Variants in DOCK9 observed in about 807,000 individuals in gnomAD.
DOCK9 encodes the protein dedicator of cytokinesis 9.
DOCK9 carries 89 observed loss-of-function variants against 263.3 expected under a neutral mutation model. The ratio of observed to expected loss-of-function variants is 0.34; its 90% CI spans 0.28 to 0.40. DOCK9 has a LOEUF of 0.40. Among genes scored for constraint, DOCK9 ranks in the 10% least tolerant of loss-of-function variants. The pLI, the probability that DOCK9 is intolerant of heterozygous loss-of-function variation, is 1.00. For missense variants in DOCK9, 2,140 were observed against 2,603.4 expected, an observed-to-expected ratio of 0.82 and a Z score of 3.87; for synonymous variants, 976 against 973.1, an observed-to-expected ratio of 1.00 and a Z score of -0.06.
At chr13:98,916,338 C>T (rs556507409) in intron 7 of DOCK9, among the ~76,000 whole-genome samples, 4 of 152,284 alleles carry the variant, frequency 2.6e-5, no homozygotes, top group Non-Finnish European at 5.9e-5. Context: ...CCAGGTTGGC[C>T]GCAGTAGACA....
chr13:98,796,895 G>A (rs1034597144), intron 52 of DOCK9, among the ~76,000 whole-genome samples: 8 of 152,072 alleles, frequency 5.3e-5, no homozygotes, highest in Admixed American at 6.6e-5. Context: ...ACGAGGAGGC[G>A]GGCCCGCTCT....
chr13:98,854,337 G>A (rs1399023672), intron 34 of DOCK9, among the ~76,000 whole-genome samples: 2 of 151,462 alleles, frequency 1.3e-5, no homozygotes, highest in South Asian at 4.2e-4. Flanking sequence ...AAATATCAAA[G>A]CAAAAACAAT....
intron 1 of DOCK9, among the ~76,000 whole-genome samples, chr13:99,011,334 T>A (rs2141936277): frequency 6.6e-6 from 1 of 152,230 alleles, no homozygotes; most frequent in African/African-American, 2.4e-5. Context: ...TATAAAAAAA[T>A]AAGCAAAGTT....
exon 1 of DOCK9, chr13:99,086,275 G>A: frequency 6.7e-7 from 1 of 1,496,670 alleles, no homozygotes; most frequent in South Asian, 1.2e-5. Flanking sequence ...CAGCTCGGCC[G>A]CCGTGCCCGG....
At chr13:98,849,546 C>T (rs546562408) in intron 36 of DOCK9, among the ~76,000 whole-genome samples, 1 of 152,054 alleles carries the variant, frequency 6.6e-6, no homozygotes, top group African/African-American at 2.4e-5. Context: ...CATCTGGCCC[C>T]AGCAGTTTTG....
intron 1 of DOCK9, among the ~76,000 whole-genome samples, chr13:99,049,261 C>T (rs1365854836): frequency 6.6e-6 from 1 of 152,208 alleles, no homozygotes; most frequent in African/African-American, 2.4e-5. Flanking sequence ...TCACCCCTCA[C>T]CTTCCAACCT....
At chr13:98,942,237 T>TG (rs950144711) in intron 2 of DOCK9, among the ~76,000 whole-genome samples, 18 of 147,570 alleles carry the variant, frequency 1.2e-4, no homozygotes, top group African/African-American at 4.3e-4. Context: ...TTTTTGTTGT[T>TG]TTTTTTTTTT....
chr13:99,020,547 T>G (rs1160974251), intron 1 of DOCK9, among the ~76,000 whole-genome samples: 1 of 152,206 alleles, frequency 6.6e-6, no homozygotes, highest in Admixed American at 6.5e-5. Context: ...AGCTTTGAGC[T>G]CCTGCAAAGC....
At chr13:98,952,293 T>C (rs961849124) in intron 2 of DOCK9, among the ~76,000 whole-genome samples, 5 of 152,032 alleles carry the variant, frequency 3.3e-5, no homozygotes. Flanking sequence ...TGGAATGCAG[T>C]GGCACGATCT....
At chr13:98,895,232 A>G (rs1452310641) in intron 15 of DOCK9, among the ~76,000 whole-genome samples, 1 of 152,102 alleles carries the variant, frequency 6.6e-6, no homozygotes, top group African/African-American at 2.4e-5. Context: ...TTATGCATTA[A>G]AAATGATGTC....
chr13:98,899,619 C>T (rs2047973253), intron 13 of DOCK9, among the ~76,000 whole-genome samples: 2 of 152,160 alleles, frequency 1.3e-5, no homozygotes, highest in Admixed American at 1.3e-4. Flanking sequence ...TTATAGGGTA[C>T]AATGGCCTAC....
intron 2 of DOCK9, among the ~76,000 whole-genome samples, chr13:98,954,996 T>G (rs540451902): frequency 7.5e-4 from 114 of 152,288 alleles, no homozygotes; most frequent in African/African-American, 2.6e-3. Context: ...TTTTCTTTCT[T>G]AAATAACATC....
At chr13:98,895,613 T>C (rs1262500770) in intron 15 of DOCK9, among the ~76,000 whole-genome samples, 5 of 150,186 alleles carry the variant, frequency 3.3e-5, no homozygotes, top group African/African-American at 1.2e-4. Context: ...TGCAGTGAGC[T>C]GAAATCGTGC....
rs549497438 is a variant in DOCK9 at position 98,992,168 on chromosome 13, G to A, written c.130-36617C>T. On this transcript the variant is annotated intron_variant, in intron 1 of 32. Transcript: ENST00000427887. ...CAACAGGAGGGATGGCTGACTACCT[G>A]TTGAGGAGTTATCAGGATAAGCTTC... 8.5e-5 allele frequency among the ~76,000 whole-genome samples: 13 copies of A among 152,074 alleles called. No homozygotes were observed. In the South Asian group the frequency reaches 2.5e-3, roughly 29 times the overall value.
chr13:98,821,144 G>T, intron 45 of DOCK9, among the ~76,000 whole-genome samples: 1 of 152,168 alleles, frequency 6.6e-6, no homozygotes, highest in Admixed American at 6.5e-5. Context: ...GCTCCTCTGG[G>T]CCCTGTTCTC....
At chr13:98,821,551 A>G (rs1594343166) in intron 45 of DOCK9, among the ~76,000 whole-genome samples, 1 of 152,274 alleles carries the variant, frequency 6.6e-6, no homozygotes, top group East Asian at 1.9e-4. Context: ...TTGGTACTGC[A>G]TTCGTTAACA....
At chr13:99,069,672 A>C (rs907222966) in intron 1 of DOCK9, among the ~76,000 whole-genome samples, 8 of 152,242 alleles carry the variant, frequency 5.3e-5, no homozygotes, top group African/African-American at 1.9e-4. Flanking sequence ...GGACCAGATG[A>C]CCACCAAAGA....
chr13:98,958,074 G>T (rs150548903), intron 1 of DOCK9, among the ~76,000 whole-genome samples: 36 of 152,366 alleles, frequency 2.4e-4, no homozygotes, highest in African/African-American at 8.4e-4. Flanking sequence ...TGGACAGGGG[G>T]TTGGAGGGAC....
chr13:98,849,749 T>C (rs2093506537), intron 36 of DOCK9, among the ~76,000 whole-genome samples: 1 of 152,222 alleles, frequency 6.6e-6, no homozygotes, highest in Admixed American at 6.5e-5. Flanking sequence ...AGAAAAGCAG[T>C]ATCTACCCAA....
Sources: gnomAD v4.1 joint callset for allele counts (sites outside exome capture counted in the v4.1 genomes callset) on GRCh38, gnomAD v4.1.1 for gene constraint, MANE v1.5 for transcripts, NCBI Gene and HGNC (gene_info 2026-07-23, HGNC 2026-07-21) for gene names.